ADCY9: variants seen among roughly 807,000 people sequenced by gnomAD.
ADCY9 encodes adenylate cyclase 9.
ADCY9 carries 50 observed loss-of-function variants against 101.5 expected under a neutral mutation model. That is an observed-to-expected ratio of 0.49 (90% confidence interval 0.39 to 0.62). The LOEUF (loss-of-function observed/expected upper bound fraction) is 0.62, where lower values mean the gene tolerates loss of function less well. ADCY9 is among the 20% of genes least tolerant of loss of function. ADCY9 has a pLI of 0.00. For missense variants in ADCY9, 1,662 were observed against 1,800.4 expected, an observed-to-expected ratio of 0.92 and a Z score of 1.39; for synonymous variants, 905 against 769.3, an observed-to-expected ratio of 1.18 and a Z score of -2.92.
At chr16:4,074,187 CTA>C (rs1009084685) in intron 2 of ADCY9, among the ~76,000 whole-genome samples, 51 of 151,890 alleles carry the variant, frequency 3.4e-4, no homozygotes, top group African/African-American at 1.1e-3. Context: ...TATTATGACA[CTA>C]TTAGCATCAT....
intron 2 of ADCY9, among the ~76,000 whole-genome samples, chr16:4,012,294 G>C (rs1317209509): frequency 6.6e-6 from 1 of 152,102 alleles, no homozygotes; most frequent in Admixed American, 6.6e-5. Context: ...TGACAGGTAA[G>C]GCAGAGCCCA....
chr16:3,963,141 T>C lies in ADCY9; in HGVS notation c.*2634A>G, dbSNP rs896961284. 92 of 155,364 alleles carry C rather than the reference T, an allele frequency of 5.9e-4. No individual in the cohort carries two copies. Among genetic ancestry groups the C allele is most frequent in the African/African-American group, 2.5e-3 (89 of 34,984 alleles). The allele number at this position is 155,364 out of a possible 1,614,324, so 9.6% of individuals were successfully genotyped here. The stretch of plus-strand genomic sequence containing the variant: ...ATATATATATATATATATATATATA[T>C]ATGGATATATAATTCGATCTGAGCT... On this transcript the variant is annotated 3_prime_UTR_variant, in exon 11 of 11. Transcript: ENST00000294016.
At chr16:4,020,071 C>T (rs2056464374) in intron 2 of ADCY9, among the ~76,000 whole-genome samples, 1 of 100,526 alleles carries the variant, frequency 9.9e-6, no homozygotes, top group African/African-American at 3.4e-5. Flanking sequence ...CAGCAGACTC[C>T]ATCTCAAAAA....
At chr16:4,088,388 C>T (rs2056953045) in intron 2 of ADCY9, among the ~76,000 whole-genome samples, 1 of 151,944 alleles carries the variant, frequency 6.6e-6, no homozygotes, top group South Asian at 2.1e-4. Context: ...ACTTCCCAGG[C>T]TCAAGCGACC....
At chr16:4,080,725 T>TC (rs1231371851) in intron 2 of ADCY9, among the ~76,000 whole-genome samples, 1 of 151,608 alleles carries the variant, frequency 6.6e-6, no homozygotes, top group Admixed American at 6.6e-5. Flanking sequence ...TTCGTTTTTT[T>TC]TTTTTTGTAA....
At chr16:4,080,824 T>C (rs2056897426) in intron 2 of ADCY9, among the ~76,000 whole-genome samples, 1 of 150,802 alleles carries the variant, frequency 6.6e-6, no homozygotes, top group Middle Eastern at 3.2e-3. Context: ...TTCTTTAAAC[T>C]CCTAATTCAA....
chr16:4,015,991 C>A (rs2283496), intron 2 of ADCY9, among the ~76,000 whole-genome samples: 119,741 of 151,292 alleles, frequency 0.79, 47,856 homozygotes, highest in Middle Eastern at 0.85. Flanking sequence ...AAAAAGAAAA[C>A]GAAAATGCTG....
In ADCY9 at chr16:3,965,869, C is replaced by T. The variant is rs149834476; in HGVS notation, c.3968G>A (p.Arg1323Gln). Residue 1323 changes from arginine to glutamine, a missense_variant, in exon 11 of 11, where the codon CGA (arginine) becomes CAA (glutamine). By Grantham distance (43) the Arg-to-Gln change is conservative. Transcript: ENST00000294016. ...GTCTTTCTCTATGGCTTTGCCAAAT[C>T]GACCCCTTTCTTCGGCTTTGACGGG... The part of the protein sequence containing the change: ...KEPVKAEERG[R>Q]FGKAIEKDDC... 1.2e-4 allele frequency: 191 copies of T among 1,614,212 alleles called. No homozygotes were observed. The African/African-American group carries it at 2.1e-3, about 17-fold the overall frequency.
chr16:3,966,008 C>T lies in ADCY9; in HGVS notation c.3829G>A (p.Glu1277Lys). ...DGSIGRSPTD[E>K]IANLVPSVQY... ...ACAGAAGGCACCAGGTTGGCAATCT[C>T]GTCTGTGGGAGACCGTCCGATGCTG... Residue 1277 changes from glutamate (E) to lysine (K), a missense_variant, in exon 11 of 11, where the codon GAG becomes AAG. Physicochemically the swap from Glu to Lys is moderately conservative, Grantham distance 56. Around this residue, in one of 5 missense-constraint regions of ADCY9, gnomAD observed 168 missense variants for 155.3 expected, o/e 1.08. Coordinates refer to ENST00000294016, the MANE Select transcript of ADCY9 (RefSeq NM_001116.4). 1.9e-6 allele frequency: 3 copies of T among 1,614,198 alleles called. No homozygotes were observed. Among genetic ancestry groups the T allele is most frequent in the African/African-American group, 1.3e-5 (1 of 75,062 alleles).
At chr16:4,050,456 G>A (rs2056693719) in intron 2 of ADCY9, among the ~76,000 whole-genome samples, 1 of 152,176 alleles carries the variant, frequency 6.6e-6, no homozygotes, top group Non-Finnish European at 1.5e-5. Flanking sequence ...GCTCATGCCT[G>A]TAATCCCAGC....
downstream of ADCY9, among the ~76,000 whole-genome samples, chr16:3,961,883 G>A (rs966029886): frequency 3.9e-5 from 6 of 151,998 alleles, no homozygotes; most frequent in Non-Finnish European, 5.9e-5. Flanking sequence ...AAAATTACCC[G>A]GGTGTGGTGG....
At chr16:3,980,611 G>A (rs1217466733) in intron 7 of ADCY9, among the ~76,000 whole-genome samples, 2 of 152,178 alleles carry the variant, frequency 1.3e-5, no homozygotes. Context: ...TCTTGGCTGC[G>A]TGGTGTGGCC....
intron 3 of ADCY9, 120 bp from the exon 4 acceptor site, chr16:3,993,630 C>T (rs969903171): frequency 6.5e-5 from 81 of 1,242,990 alleles, no homozygotes; most frequent in Non-Finnish European, 8.7e-5. Context: ...AAGGGGAAGG[C>T]ACACAGAACC....
At chr16:3,980,900 C>T (rs945590818) in intron 7 of ADCY9, among the ~76,000 whole-genome samples, 1 of 152,186 alleles carries the variant, frequency 6.6e-6, no homozygotes, top group Admixed American at 6.5e-5. Context: ...AGACCTCACG[C>T]CTGCTGGGGC....
intron 10 of ADCY9, among the ~76,000 whole-genome samples, chr16:3,972,089 C>T (rs2056056881): frequency 6.6e-6 from 1 of 152,168 alleles, no homozygotes; most frequent in Non-Finnish European, 1.5e-5. Context: ...CAACAGAAGG[C>T]ATCTGTAAGA....
chr16:4,011,025 G>A (rs1424347545), intron 2 of ADCY9, among the ~76,000 whole-genome samples: 1 of 152,172 alleles, frequency 6.6e-6, no homozygotes, highest in Non-Finnish European at 1.5e-5. Flanking sequence ...TTTCCGTGCT[G>A]TATAGATTAC....
At position 3,963,327 on chromosome 16, in the gene ADCY9, T is replaced by C. The variant is rs1458631598; in HGVS notation, c.*2448A>G. The C allele has an allele frequency of 5.0e-6, 2 of 398,546 alleles. No homozygotes were observed. Among genetic ancestry groups the C allele is most frequent in the East Asian group, 7.1e-5 (2 of 28,052 alleles). 24.7% of individuals were successfully genotyped at this position (398,546 alleles called of 1,614,324 possible). On this transcript the variant is annotated 3_prime_UTR_variant, in exon 11 of 11. Transcript: ENST00000294016. Reference sequence around the variant, plus strand: ...CGTGCCAGCTGCTTAGAAACTCGTGTCTCCAGCACGATGTGCTCGCTGCCA... The same window carrying C: ...CGTGCCAGCTGCTTAGAAACTCGTGCCTCCAGCACGATGTGCTCGCTGCCA...
At chr16:4,054,685 T>G (rs1567130899) in intron 2 of ADCY9, among the ~76,000 whole-genome samples, 1 of 151,954 alleles carries the variant, frequency 6.6e-6, no homozygotes, top group African/African-American at 2.4e-5. Flanking sequence ...ATTCTCCTGC[T>G]TCAGCCTCCC....
intron 2 of ADCY9, among the ~76,000 whole-genome samples, chr16:4,091,414 G>C (rs975135749): frequency 2.0e-5 from 3 of 152,156 alleles, no homozygotes; most frequent in African/African-American, 7.2e-5. Flanking sequence ...TTGTCAAAAA[G>C]TTAAACAGAG....
Sources: allele counts gnomAD v4.1 joint callset (sites outside exome capture counted in the v4.1 genomes callset), GRCh38; gene constraint gnomAD v4.1.1; regional missense constraint gnomAD v4.1.1; transcripts MANE v1.5; gene names NCBI Gene and HGNC (gene_info 2026-07-23, HGNC 2026-07-21).